The following MYBPC3 variants were observed in gnomAD, a reference collection of about 807,000 sequenced individuals.
The protein encoded by MYBPC3 is myosin-binding protein C, cardiac-type.
MYBPC3 carries 108 observed loss-of-function variants against 159.3 expected under a neutral mutation model. The ratio of observed to expected loss-of-function variants is 0.68; its 90% CI spans 0.58 to 0.80. The LOEUF is 0.80. Ranked by LOEUF, MYBPC3 falls within the 30% of genes least tolerant of loss-of-function variation. The pLI, the probability that MYBPC3 is intolerant of heterozygous loss-of-function variation, is 0.00. For synonymous variants in MYBPC3, 730 were observed against 702.0 expected, an observed-to-expected ratio of 1.04 and a Z score of -0.63; for missense variants, 1,631 against 1,762.1, an observed-to-expected ratio of 0.93 and a Z score of 1.33.
chr11:47,334,382 C>A (rs1324569475), intron 27 of MYBPC3, among the ~76,000 whole-genome samples: 2 of 152,142 alleles, frequency 1.3e-5, no homozygotes, highest in African/African-American at 4.8e-5. Context: ...AAAGATGGAC[C>A]CTTTGTTGGG....
At chr11:47,343,923 G>A (rs996899750) in intron 12 of MYBPC3, among the ~76,000 whole-genome samples, 1 of 152,182 alleles carries the variant, frequency 6.6e-6, no homozygotes, top group Admixed American at 6.5e-5. Context: ...CGAGTAGCTG[G>A]GATTACAGGC....
chr11:47,339,347 C>G lies in MYBPC3; in HGVS notation c.2125G>C (p.Asp709His). ...PDAPEDTGDSDEWVFDKKLLC... is the reference protein window; with the variant it reads ...PDAPEDTGDSHEWVFDKKLLC... ...ACCTTCTTGTCAAACACCCACTCATCGCTGTCACCTGTGTCCTCTGGGGCA... is the reference window on the plus strand; with the variant it reads ...ACCTTCTTGTCAAACACCCACTCATGGCTGTCACCTGTGTCCTCTGGGGCA... The change falls in exon 22 of 35, where the codon GAT (aspartate) becomes CAT (histidine). Residue 709 changes from aspartate to histidine, a missense_variant. Asp to His is a moderately conservative substitution (Grantham distance 81). Coordinates refer to ENST00000545968, the MANE Select transcript of MYBPC3 (RefSeq NM_000256.3). The G allele has an allele frequency of 6.2e-7, 1 of 1,614,034 alleles. No individual in the cohort carries two copies. Among genetic ancestry groups the G allele is most frequent in the Non-Finnish European group, 8.5e-7 (1 of 1,179,888 alleles).
chr11:47,331,989 C>T (rs1434192664), intron 33 of MYBPC3, 83 bp downstream of exon 33: 4 of 1,592,406 alleles, frequency 2.5e-6, no homozygotes, highest in East Asian at 4.5e-5. Flanking sequence ...GGTGCTTGGC[C>T]GAGGACAACG....
chr11:47,343,635 C>T lies in MYBPC3; in HGVS notation c.1091-11G>A. The T allele has an allele frequency of 6.3e-7, 1 of 1,599,356 alleles. No homozygotes were observed. The highest frequency in any genetic ancestry group is 8.5e-7 in the Non-Finnish European group (1 of 1,173,072). On this transcript the variant is annotated splice_polypyrimidine_tract_variant and intron_variant, in intron 12 of 34. Coordinates refer to ENST00000545968, the MANE Select transcript of MYBPC3 (RefSeq NM_000256.3). ...GCTTCTTCTGAAAGGCTGAGCACCA[C>T]CCCTCAGCCCCGGCCACCCCACCGC...
At chr11:47,348,625 G>C in intron 5 of MYBPC3, 84 bp from the exon 6 acceptor site, 1 of 1,107,496 alleles carries the variant, frequency 9.0e-7, no homozygotes, top group South Asian at 1.6e-5. Flanking sequence ...ACTGGGAGTG[G>C]CCGGGCGCGG....
At chr11:47,348,576 C>T in intron 5 of MYBPC3, 35 bp from the exon 6 acceptor site, 1 of 1,544,046 alleles carries the variant, frequency 6.5e-7, no homozygotes, top group Non-Finnish European at 8.9e-7. Context: ...TCAGGGGACA[C>T]CAGGGGCCGG....
At position 47,346,378 on chromosome 11, in the gene MYBPC3, C is replaced by T. The variant is rs1468812059; in HGVS notation, c.927-8G>A. On this transcript the variant is annotated splice_region_variant and splice_polypyrimidine_tract_variant and intron_variant, in intron 11 of 34. Coordinates refer to ENST00000545968, the MANE Select transcript of MYBPC3 (RefSeq NM_000256.3). The surrounding 1 kb of genome is among the most constrained non-coding windows in gnomAD (Gnocchi z 5.3). The stretch of plus-strand genomic sequence containing the variant: ...GCCTCCAGCTTCGAGTCCCTGTGTC[C>T]CGCAGTCTAGGCTGTGGCCGGGGGC... The T allele has an allele frequency of 2.5e-6, 4 of 1,569,822 alleles. No individual in the cohort carries two copies. The highest frequency in any genetic ancestry group is 3.5e-6 in the Non-Finnish European group (4 of 1,155,988).
chr11:47,343,403 T>A, intron 13 of MYBPC3, 89 bp downstream of exon 13: 2 of 1,494,478 alleles, frequency 1.3e-6, no homozygotes, highest in Non-Finnish European at 1.8e-6. Context: ...CCACACCGAG[T>A]CAGAGATACG....
chr11:47,345,517 T>A (rs2095893256), intron 12 of MYBPC3, among the ~76,000 whole-genome samples: 1 of 152,128 alleles, frequency 6.6e-6, no homozygotes, highest in South Asian at 2.1e-4. Context: ...CTCCATTCAG[T>A]CGGTGTTTAT....
intron 18 of MYBPC3, among the ~76,000 whole-genome samples, 182 bp downstream of exon 18, chr11:47,341,809 T>G (rs1201502718): frequency 6.6e-6 from 1 of 152,206 alleles, no homozygotes; most frequent in East Asian, 1.9e-4. Context: ...TCTGTCTCTT[T>G]GTCTTTTTGG....
chr11:47,339,498 G>T, intron 21 of MYBPC3, 94 bp from the exon 22 acceptor site: 1 of 1,499,340 alleles, frequency 6.7e-7, no homozygotes. Context: ...GACCCACACT[G>T]CCCACCTTGC....
At position 47,349,816 on chromosome 11, in the gene MYBPC3, G is replaced by C; in HGVS notation, c.612C>G (p.Gly204=). The C allele has an allele frequency of 6.2e-7, 1 of 1,610,504 alleles. No individual in the cohort carries two copies. Among genetic ancestry groups the C allele is most frequent in the Non-Finnish European group, 8.5e-7 (1 of 1,179,704 alleles). ...AGCTGTCGTGCAGCTGCAGGTGCTG[G>C]CCCACCTTGCTGCTCAGGTCCACCC... ...GKWVDLSSKV[G]QHLQLHDSYD... is the part of the protein sequence containing the mutation. The change falls in exon 5 of 35, where the codon GGC becomes GGG. Residue 204 remains glycine, a synonymous_variant. Coordinates refer to ENST00000545968, the MANE Select transcript of MYBPC3 (RefSeq NM_000256.3).
At chr11:47,350,912 T>C (rs1217286045) in intron 2 of MYBPC3, among the ~76,000 whole-genome samples, 1 of 152,164 alleles carries the variant, frequency 6.6e-6, no homozygotes, top group Non-Finnish European at 1.5e-5. Flanking sequence ...CAGACTGGGC[T>C]GCACTCCCCT....
chr11:47,352,366 G>C (rs938549783), intron 1 of MYBPC3, among the ~76,000 whole-genome samples: 6 of 152,108 alleles, frequency 3.9e-5, no homozygotes, highest in African/African-American at 1.4e-4. Flanking sequence ...AGAATGGGTT[G>C]ACCCCGGGTG....
In MYBPC3 at chr11:47,333,933, T is replaced by C; in HGVS notation, c.2983A>G (p.Ile995Val). The change falls in exon 28 of 35, where the codon ATC becomes GTC. Residue 995 changes from isoleucine (I) to valine (V), a missense_variant. Ile to Val is a conservative substitution (Grantham distance 29, BLOSUM62 3). Transcript: ENST00000545968. ...GGGGCCAGTCCCACCTGGAAAGGGA[T>C]GAGAAGGTTCACAGGCTCCCCGACC... ...KKVGEPVNLL[I>V]PFQGKPRPQV... The C allele has an allele frequency of 6.4e-7, 1 of 1,574,676 alleles. No homozygotes were observed. The highest frequency in any genetic ancestry group is 1.8e-5 in the Admixed American group (1 of 54,178).
intron 25 of MYBPC3, among the ~76,000 whole-genome samples, chr11:47,336,740 A>C (rs1216997808): frequency 6.6e-6 from 1 of 152,028 alleles, no homozygotes; most frequent in Non-Finnish European, 1.5e-5. Flanking sequence ...CACCCACCCT[A>C]GTGGGAACAG....
At chr11:47,343,327 G>C in intron 13 of MYBPC3, 65 bp from the exon 14 acceptor site, 1 of 1,514,124 alleles carries the variant, frequency 6.6e-7, no homozygotes. Flanking sequence ...GACAAAAGGA[G>C]AGAGAGAGAG....
chr11:47,347,054 A>C (rs777946623), intron 9 of MYBPC3, 25 bp from the exon 10 acceptor site: 1 of 837,552 alleles, frequency 1.2e-6, no homozygotes, highest in Non-Finnish European at 2.1e-6. Flanking sequence ...CAGCAGCCAT[A>C]ATGGAGGGGC....
rs2142850455 is a variant in MYBPC3, at chr11:47,332,976, G to T, written c.3331-3C>A. The T allele has an allele frequency of 6.2e-7, 1 of 1,607,964 alleles. No individual in the cohort carries two copies. On this transcript the variant is annotated splice_polypyrimidine_tract_variant and splice_region_variant and intron_variant, in intron 30 of 34. Coordinates refer to ENST00000545968, the MANE Select transcript of MYBPC3 (RefSeq NM_000256.3). The surrounding 1 kb of genome is among the most constrained non-coding windows in gnomAD (Gnocchi z 4.2). Reference sequence around the variant, plus strand: ...TGCTCCAAGACGGTGAACCACTCCTGGGGGCAGGGAGGGAGGGGAGGCATC... The same window carrying T: ...TGCTCCAAGACGGTGAACCACTCCTTGGGGCAGGGAGGGAGGGGAGGCATC...
Sources: allele counts gnomAD v4.1 joint callset (sites outside exome capture counted in the v4.1 genomes callset), GRCh38; gene constraint gnomAD v4.1.1; non-coding constraint Gnocchi (gnomAD v3.1); transcripts MANE v1.5; gene names NCBI Gene and HGNC (gene_info 2026-07-23, HGNC 2026-07-21).